LRRC7: variants seen among roughly 807,000 people sequenced by gnomAD.
LRRC7 encodes the protein leucine-rich repeat-containing protein 7.
A neutral mutation model predicts 175.7 loss-of-function variants in LRRC7; 23 were observed. The ratio of observed to expected loss-of-function variants is 0.13; its 90% CI spans 0.09 to 0.19. LRRC7 has a LOEUF of 0.19. Ranked by LOEUF, LRRC7 falls within the 10% of genes least tolerant of loss-of-function variation. LRRC7 has a pLI of 1.00. For synonymous variants in LRRC7, 685 were observed against 680.9 expected (o/e 1.01, Z -0.09); for missense variants, 1,354 against 1,904.7 (o/e 0.71, Z 5.38).
chr1:69,922,716 G>A (rs913236979), intron 7 of LRRC7, among the ~76,000 whole-genome samples: 25 of 152,226 alleles, frequency 1.6e-4, no homozygotes, highest in East Asian at 1.4e-3. Flanking sequence ...GTCAAATTAA[G>A]TGGTCAGTTC....
intron 25 of LRRC7, 81 bp downstream of exon 25, chr1:70,089,900 A>C: frequency 9.3e-7 from 1 of 1,079,796 alleles, no homozygotes. Flanking sequence ...AAAAAATTCA[A>C]GTGTTTTTGT....
chr1:69,961,919 T>G (rs182060946), intron 8 of LRRC7, among the ~76,000 whole-genome samples: 3 of 152,214 alleles, frequency 2.0e-5, no homozygotes, highest in African/African-American at 7.2e-5. Flanking sequence ...ATTCAGGACA[T>G]AGGCATGGGC....
At chr1:70,021,206 T>C in intron 16 of LRRC7, 77 bp downstream of exon 16, 1 of 1,462,122 alleles carries the variant, frequency 6.8e-7, no homozygotes, top group Non-Finnish European at 9.4e-7. Flanking sequence ...CAGATAGATT[T>C]TGGGACAAAG....
intron 25 of LRRC7, among the ~76,000 whole-genome samples, chr1:70,106,555 G>T (rs1050407426): frequency 6.6e-6 from 1 of 151,986 alleles, no homozygotes; most frequent in African/African-American, 2.4e-5. Flanking sequence ...GTTTATTCTT[G>T]GAATGTCAAT....
At chr1:70,036,329 GTTTTACAAATATGCATTTCTAA>G (rs1659308128) in intron 19 of LRRC7, 93 bp from the exon 20 acceptor site, 3 of 1,389,458 alleles carry the variant, frequency 2.2e-6, no homozygotes, top group Non-Finnish European at 3.0e-6. Flanking sequence ...CTATACAAAT[GTTTTACAAATATGCATTTCTAA>G]CCTTAATCGG....
At chr1:69,676,520 C>CA (rs2100595270) in intron 1 of LRRC7, among the ~76,000 whole-genome samples, 1 of 152,042 alleles carries the variant, frequency 6.6e-6, no homozygotes, top group South Asian at 2.1e-4. Flanking sequence ...CATTGATGTG[C>CA]AAAACTGTAA....
At chr1:69,600,833 CAG>C (rs1245727667) in intron 1 of LRRC7, among the ~76,000 whole-genome samples, 3 of 34,728 alleles carry the variant, frequency 8.6e-5, no homozygotes, top group Middle Eastern at 0.022. Flanking sequence ...TTTTTTGAGA[CAG>C]AGTTTCTCTT....
chr1:69,918,709 C>T (rs1341552266), intron 7 of LRRC7, among the ~76,000 whole-genome samples: 1 of 151,940 alleles, frequency 6.6e-6, no homozygotes, highest in East Asian at 1.9e-4. Context: ...AGAAAGACAA[C>T]TTCAAAAGTG....
intron 2 of LRRC7, among the ~76,000 whole-genome samples, chr1:69,690,575 T>C (rs897756373): frequency 2.6e-5 from 4 of 152,210 alleles, no homozygotes; most frequent in Non-Finnish European, 5.9e-5. Context: ...ATTTTGTTAT[T>C]CATTCCTTCC....
intron 7 of LRRC7, among the ~76,000 whole-genome samples, chr1:69,887,410 T>C (rs1391014950): frequency 8.8e-4 from 126 of 142,820 alleles, no homozygotes; most frequent in African/African-American, 2.5e-3. Context: ...TTGATCGCAT[T>C]GGCTCCTGAG....
At chr1:69,919,163 T>A (rs193176812) in intron 7 of LRRC7, among the ~76,000 whole-genome samples, 1 of 152,256 alleles carries the variant, frequency 6.6e-6, no homozygotes, top group African/African-American at 2.4e-5. Context: ...AGAGTTTAAT[T>A]CTAACTGCCA....
intron 1 of LRRC7, among the ~76,000 whole-genome samples, chr1:69,630,756 AT>A (rs1380190488): frequency 6.6e-6 from 1 of 151,708 alleles, no homozygotes; most frequent in Non-Finnish European, 1.5e-5. Context: ...AAATATTATA[AT>A]TTTTTTCTTT....
chr1:69,772,727 G>A (rs1369063136), intron 3 of LRRC7, among the ~76,000 whole-genome samples: 2 of 152,136 alleles, frequency 1.3e-5, no homozygotes, highest in East Asian at 1.9e-4. Context: ...AACAAAATTT[G>A]ATAATGAAAT....
chr1:70,102,165 G>T (rs1664847383), intron 25 of LRRC7, among the ~76,000 whole-genome samples: 1 of 152,196 alleles, frequency 6.6e-6, no homozygotes, highest in African/African-American at 2.4e-5. Flanking sequence ...ACTAAAGGAA[G>T]TAGTCCCTGA....
intron 8 of LRRC7, among the ~76,000 whole-genome samples, chr1:69,939,039 ATCTATATC>A (rs1251639721): frequency 0.14 from 10,916 of 80,418 alleles, 1,152 homozygotes; most frequent in East Asian, 0.31. Context: ...ATCTATATAT[ATCTATATC>A]TATCTCACAG....
rs145308060 is a variant in LRRC7 at position 69,912,808 on chromosome 1, A to C, written c.648-18699A>C. 3.3e-3 allele frequency among the ~76,000 whole-genome samples: 498 copies of C among 152,336 alleles called. 2 individuals are homozygous for C. Among genetic ancestry groups the C allele is most frequent in the African/African-American group, 0.011 (448 of 41,578 alleles). ...TCTAATTAAACCCTTCATTAAAAGCAGTAGTGCAGTATTTGTCCTATAGCC... is the reference window on the plus strand; with the variant it reads ...TCTAATTAAACCCTTCATTAAAAGCCGTAGTGCAGTATTTGTCCTATAGCC... On this transcript the variant is annotated intron_variant, in intron 7 of 26. Coordinates refer to ENST00000651989, the MANE Select transcript of LRRC7 (RefSeq NM_001370785.2).
chr1:69,985,422 C>T (rs887134485), intron 9 of LRRC7, among the ~76,000 whole-genome samples: 11 of 152,168 alleles, frequency 7.2e-5, no homozygotes, highest in African/African-American at 2.2e-4. Flanking sequence ...TCAGTGGCAG[C>T]TTCTTTAGTT....
At chr1:69,752,643 C>CA (rs1313322419) in intron 2 of LRRC7, among the ~76,000 whole-genome samples, 1 of 152,102 alleles carries the variant, frequency 6.6e-6, no homozygotes, top group Non-Finnish European at 1.5e-5. Context: ...GCCATGCTAG[C>CA]AAGCACTGCT....
intron 4 of LRRC7, among the ~76,000 whole-genome samples, chr1:69,793,913 C>G (rs1675415663): frequency 6.6e-6 from 1 of 152,252 alleles, no homozygotes; most frequent in African/African-American, 2.4e-5. Flanking sequence ...TAATTCAAGT[C>G]TTTGAGAGTA....
Sources: allele counts gnomAD v4.1 joint callset (sites outside exome capture counted in the v4.1 genomes callset), GRCh38; gene constraint gnomAD v4.1.1; transcripts MANE v1.5; gene names NCBI Gene and HGNC (gene_info 2026-07-23, HGNC 2026-07-21).